The following GAB2 variants were observed in gnomAD, a reference collection of about 807,000 sequenced individuals.
The protein encoded by GAB2 is GRB2 associated binding protein 2, also known as GRB2-associated-binding protein 2.
In GAB2, 26 loss-of-function variants were observed where a neutral mutation model predicts 65.5. The ratio of observed to expected loss-of-function variants is 0.40; its 90% confidence interval spans 0.29 to 0.55. The LOEUF is 0.55. GAB2 is among the 20% of genes least tolerant of loss of function. The pLI, the probability that GAB2 is intolerant of heterozygous loss-of-function variation, is 0.53. For missense variants in GAB2, 884 were observed against 875.8 expected (o/e 1.01, Z -0.12); for synonymous variants, 321 against 329.6 (o/e 0.97, Z 0.28).
chr11:78,323,263 A>G (rs1855760560), intron 1 of GAB2, among the ~76,000 whole-genome samples: 1 of 152,172 alleles, frequency 6.6e-6, no homozygotes. Flanking sequence ...TAATCCCTGC[A>G]CTTTGGGAGA....
At chr11:78,289,001 G>A (rs545443205) in intron 1 of GAB2, among the ~76,000 whole-genome samples, 3 of 152,338 alleles carry the variant, frequency 2.0e-5, no homozygotes, top group East Asian at 3.9e-4. Context: ...ATTCTTGGCC[G>A]TTTGGCTAAG....
chr11:78,411,598 T>C (rs756280453), intron 1 of GAB2, among the ~76,000 whole-genome samples: 6 of 152,070 alleles, frequency 3.9e-5, no homozygotes, highest in Non-Finnish European at 8.8e-5. Flanking sequence ...AGCAATTCAA[T>C]GGAAGTAGGA....
At chr11:78,351,285 T>C (rs550379922) in intron 1 of GAB2, among the ~76,000 whole-genome samples, 2 of 152,254 alleles carry the variant, frequency 1.3e-5, no homozygotes, top group East Asian at 3.9e-4. Context: ...GAATTATTTA[T>C]TTCTACATAC....
At chr11:78,364,759 C>A (rs1449495557) in intron 1 of GAB2, among the ~76,000 whole-genome samples, 1 of 152,140 alleles carries the variant, frequency 6.6e-6, no homozygotes, top group Admixed American at 6.5e-5. Context: ...GGGATTTTAT[C>A]AAACTTTCCT....
chr11:78,305,575 G>C (rs935893515), intron 1 of GAB2, among the ~76,000 whole-genome samples: 1 of 152,138 alleles, frequency 6.6e-6, no homozygotes, highest in African/African-American at 2.4e-5. Flanking sequence ...TTGTGTGGAG[G>C]TAAGTGATGA....
intron 3 of GAB2, among the ~76,000 whole-genome samples, chr11:78,249,104 G>A (rs1176509008): frequency 1.3e-5 from 2 of 152,184 alleles, no homozygotes; most frequent in Non-Finnish European, 2.9e-5. Flanking sequence ...AACAAAAGTA[G>A]GGTAGCATAG....
intron 1 of GAB2, among the ~76,000 whole-genome samples, chr11:78,365,952 C>T (rs1856490768): frequency 6.6e-6 from 1 of 152,210 alleles, no homozygotes; most frequent in African/African-American, 2.4e-5. Context: ...GATGTTCAGC[C>T]ATTAACTGCT....
intron 1 of GAB2, among the ~76,000 whole-genome samples, chr11:78,364,533 T>A (rs1277630242): frequency 6.6e-6 from 1 of 152,236 alleles, no homozygotes; most frequent in Non-Finnish European, 1.5e-5. Flanking sequence ...TGGTAGCAAC[T>A]CATTACCATT....
At chr11:78,230,529 C>T (rs776279427) in intron 3 of GAB2, among the ~76,000 whole-genome samples, 1 of 152,274 alleles carries the variant, frequency 6.6e-6, no homozygotes, top group Admixed American at 6.5e-5. Flanking sequence ...CATCGCAACA[C>T]TCACCTTATT....
At chr11:78,292,651 A>C (rs755589140) in intron 1 of GAB2, among the ~76,000 whole-genome samples, 7 of 152,238 alleles carry the variant, frequency 4.6e-5, no homozygotes, top group Non-Finnish European at 8.8e-5. Context: ...CAAACATTAC[A>C]AGAGTACAGT....
intron 3 of GAB2, among the ~76,000 whole-genome samples, chr11:78,240,485 T>C (rs1016278697): frequency 6.6e-6 from 1 of 151,436 alleles, no homozygotes; most frequent in Non-Finnish European, 1.5e-5. Context: ...ACTAGCCCCC[T>C]AGAGTCTGAG....
chr11:78,284,850 A>G (rs1054512895), intron 1 of GAB2, among the ~76,000 whole-genome samples: 4 of 152,182 alleles, frequency 2.6e-5, no homozygotes, highest in Non-Finnish European at 5.9e-5. Context: ...TGGTGTTTAG[A>G]ATATTGCCTG....
intron 1 of GAB2, among the ~76,000 whole-genome samples, chr11:78,303,037 G>A (rs1481832330): frequency 2.6e-5 from 4 of 152,162 alleles, no homozygotes; most frequent in Non-Finnish European, 2.9e-5. Context: ...GAATTTTGGG[G>A]ACTCGGGAAA....
intron 1 of GAB2, among the ~76,000 whole-genome samples, chr11:78,317,171 T>C (rs1855624974): frequency 6.6e-6 from 1 of 152,184 alleles, no homozygotes; most frequent in African/African-American, 2.4e-5. Context: ...TGGGTATAGT[T>C]TCAGTTTGGG....
chr11:78,276,162 C>G (rs1212877968), intron 2 of GAB2, among the ~76,000 whole-genome samples: 2 of 151,264 alleles, frequency 1.3e-5, no homozygotes, highest in African/African-American at 4.9e-5. Context: ...TAGCCAGGAG[C>G]CGTGGTGCAT....
At chr11:78,347,934 T>C (rs1369706739) in intron 1 of GAB2, among the ~76,000 whole-genome samples, 1 of 152,148 alleles carries the variant, frequency 6.6e-6, no homozygotes, top group Non-Finnish European at 1.5e-5. Context: ...CCCCTGAAAC[T>C]TAACTACTAT....
At chr11:78,383,529 G>A (rs1007245313) in intron 1 of GAB2, among the ~76,000 whole-genome samples, 11 of 143,004 alleles carry the variant, frequency 7.7e-5, no homozygotes, top group African/African-American at 2.9e-4. Flanking sequence ...AAAATCATTT[G>A]AGCCCAGGAG....
At chr11:78,272,589 C>T (rs1327718056) in intron 2 of GAB2, among the ~76,000 whole-genome samples, 1 of 152,138 alleles carries the variant, frequency 6.6e-6, no homozygotes, top group African/African-American at 2.4e-5. Flanking sequence ...TAAAGGCATT[C>T]AGTTTTATAA....
At chr11:78,294,641 C>G (rs914153144) in intron 1 of GAB2, among the ~76,000 whole-genome samples, 7 of 152,170 alleles carry the variant, frequency 4.6e-5, no homozygotes, top group South Asian at 2.1e-4. Flanking sequence ...AATGGGGAAA[C>G]GATTCCCTAT....
Sources: allele counts gnomAD v4.1 joint callset (sites outside exome capture counted in the v4.1 genomes callset), GRCh38; gene constraint gnomAD v4.1.1; transcripts MANE v1.5; gene names NCBI Gene and HGNC (gene_info 2026-07-23, HGNC 2026-07-21).